The following VCL variants were observed in gnomAD, a reference collection of about 807,000 sequenced individuals.
VCL encodes vinculin, also known as epididymis luminal protein 114.
In VCL, 47 loss-of-function variants were observed where a neutral mutation model predicts 125.7. The observed-to-expected ratio is 0.37, with a 90% CI of 0.30 to 0.48. The LOEUF is 0.48. Among genes scored for constraint, VCL ranks in the 20% least tolerant of loss-of-function variants. The probability of loss-of-function intolerance (pLI) is 0.99; values close to 1 mark genes in which losing one functional copy is unlikely to be tolerated. For missense variants in VCL, 1,069 were observed against 1,455.5 expected (o/e 0.73, Z 4.32); for synonymous variants, 458 against 514.6 (o/e 0.89, Z 1.49).
chr10:74,117,401 T>A (rs1840327940), intron 21 of VCL, among the ~76,000 whole-genome samples: 1 of 152,202 alleles, frequency 6.6e-6, no homozygotes, highest in Admixed American at 6.5e-5. Flanking sequence ...CTGTATGTAG[T>A]CTTAGCACTT....
Position 74,074,761 on chromosome 10 carries a change from C to G in VCL, c.641C>G (p.Thr214Arg). 1 of 1,612,896 alleles carries G rather than the reference C, an allele frequency of 6.2e-7. No homozygotes were observed. Among genetic ancestry groups the G allele is most frequent in the Non-Finnish European group, 8.5e-7 (1 of 1,179,728 alleles). Reference protein sequence around the residue: ...VLISAMKIFVTTKNSKNQGIE... With the variant: ...VLISAMKIFVRTKNSKNQGIE... ...TTTACAGCTATGAAGATTTTTGTAA[C>G]AACTAAAAACTCAAAAAACCAAGGC... The change falls in exon 6 of 22, where the codon ACA becomes AGA. Residue 214 changes from threonine to arginine, a missense_variant. Thr to Arg is a moderately conservative substitution (Grantham distance 71, BLOSUM62 -1). Coordinates refer to ENST00000211998, the MANE Select transcript of VCL (RefSeq NM_014000.3).
chr10:74,043,168 T>C lies in VCL; in HGVS notation c.239+15T>C. The stretch of plus-strand genomic sequence containing the variant: ...GCATTTATTAAGTGAGTAATTGAAA[T>C]ATTCTTCTGTTGCTAAGCAGAATAA... On this transcript the variant is annotated intron_variant, in intron 2 of 21. Transcript: ENST00000211998. 1 of 1,605,646 alleles carries C rather than the reference T, an allele frequency of 6.2e-7. No individual in the cohort carries two copies. Among genetic ancestry groups the C allele is most frequent in the East Asian group, 2.2e-5 (1 of 44,688 alleles).
chr10:74,117,024 T>C (rs1173239227), intron 21 of VCL, among the ~76,000 whole-genome samples: 2 of 152,234 alleles, frequency 1.3e-5, no homozygotes, highest in African/African-American at 2.4e-5. Context: ...CTTCCTTGAC[T>C]TTCTATGGTA....
At chr10:73,999,964 G>C (rs577670194) in intron 1 of VCL, among the ~76,000 whole-genome samples, 1 of 152,292 alleles carries the variant, frequency 6.6e-6, no homozygotes, top group African/African-American at 2.4e-5. Flanking sequence ...AATGTAAAGA[G>C]ACAAGGTAAT....
At position 74,118,332 on chromosome 10, in the gene VCL, T is replaced by C; in HGVS notation, c.*163T>C. The C allele has an allele frequency of 1.2e-6, 1 of 819,290 alleles. No homozygotes were observed. The allele number at this position is 819,290 out of a possible 1,614,324, so 50.8% of individuals were successfully genotyped here. A position where few individuals can be genotyped will look rare whatever the true frequency, so the allele number is the denominator to read the frequency against. ...TCTTCAAATTAGAAGACATTTATACTCTTTTTTCATGGACACTTTGAAATG... is the reference window on the plus strand; with the variant it reads ...TCTTCAAATTAGAAGACATTTATACCCTTTTTTCATGGACACTTTGAAATG... On this transcript the variant is annotated 3_prime_UTR_variant, in exon 22 of 22. Transcript: ENST00000211998.
intron 21 of VCL, among the ~76,000 whole-genome samples, chr10:74,115,145 T>G (rs140989024): frequency 1.3e-5 from 2 of 151,904 alleles, no homozygotes; most frequent in African/African-American, 4.8e-5. Flanking sequence ...GGCGGGAGAA[T>G]TGCTTAAGCC....
At chr10:73,998,548 C>T (rs1273408053) in intron 1 of VCL, among the ~76,000 whole-genome samples, 173 bp downstream of exon 1, 1 of 152,224 alleles carries the variant, frequency 6.6e-6, no homozygotes, top group Non-Finnish European at 1.5e-5. Context: ...TTGAGCGAGT[C>T]CTGAGCCTCT....
At chr10:74,116,041 C>T (rs948826792) in intron 21 of VCL, among the ~76,000 whole-genome samples, 1 of 152,210 alleles carries the variant, frequency 6.6e-6, no homozygotes, top group African/African-American at 2.4e-5. Flanking sequence ...ACACGAGGCT[C>T]ATCACACATG....
At chr10:74,055,366 A>G (rs1247807569) in intron 2 of VCL, among the ~76,000 whole-genome samples, 1 of 152,024 alleles carries the variant, frequency 6.6e-6, no homozygotes, top group Non-Finnish European at 1.5e-5. Context: ...ATTTTTTGAG[A>G]CAGGATCTTG....
chr10:74,082,108 A>G (rs1839686118), intron 6 of VCL, among the ~76,000 whole-genome samples: 1 of 152,196 alleles, frequency 6.6e-6, no homozygotes, highest in Non-Finnish European at 1.5e-5. Flanking sequence ...AATGTTGACT[A>G]GTGGAAAGGC....
At chr10:74,008,069 G>T (rs1310362109) in intron 1 of VCL, among the ~76,000 whole-genome samples, 1 of 151,744 alleles carries the variant, frequency 6.6e-6, no homozygotes, top group African/African-American at 2.4e-5. Context: ...TTCCCAAAGT[G>T]CTGGGATTAT....
At chr10:74,061,038 T>G (rs7069013) in intron 2 of VCL, among the ~76,000 whole-genome samples, 150,292 of 152,218 alleles carry the variant, frequency 0.99, 74,225 homozygotes, top group Middle Eastern at 1. Flanking sequence ...TTGATTTAAA[T>G]TATCTAATTA....
intron 5 of VCL, 145 bp downstream of exon 5, chr10:74,072,997 G>C: frequency 8.1e-7 from 1 of 1,239,936 alleles, no homozygotes; most frequent in Non-Finnish European, 1.1e-6. Flanking sequence ...CTGGAGTGCA[G>C]TGGTGCGATC....
intron 1 of VCL, among the ~76,000 whole-genome samples, chr10:74,023,332 G>A (rs1840708099): frequency 6.6e-6 from 1 of 152,186 alleles, no homozygotes; most frequent in South Asian, 2.1e-4. Context: ...TAGGAGCAGT[G>A]GCTATGCCAT....
At chr10:74,022,987 C>T (rs1840701553) in intron 1 of VCL, among the ~76,000 whole-genome samples, 1 of 152,114 alleles carries the variant, frequency 6.6e-6, no homozygotes, top group African/African-American at 2.4e-5. Flanking sequence ...TATATATCTC[C>T]CACCTAAACT....
chr10:74,082,432 T>C (rs1440818596), intron 6 of VCL, 22 bp from the exon 7 acceptor site: 3 of 1,613,014 alleles, frequency 1.9e-6, no homozygotes, highest in African/African-American at 2.7e-5. Flanking sequence ...AAGAAAATAA[T>C]GGTGGGATTT....
At chr10:74,003,003 T>C (rs1840258270) in intron 1 of VCL, among the ~76,000 whole-genome samples, 2 of 151,528 alleles carry the variant, frequency 1.3e-5, no homozygotes, top group African/African-American at 4.8e-5. Context: ...TATATAAATA[T>C]ATATATAAAA....
chr10:74,068,700 T>G (rs556912888), intron 2 of VCL, among the ~76,000 whole-genome samples: 1 of 152,146 alleles, frequency 6.6e-6, no homozygotes, highest in Non-Finnish European at 1.5e-5. Flanking sequence ...TATGATCCTA[T>G]TTGTGTAAAA....
chr10:74,061,651 C>T (rs886406209), intron 2 of VCL, among the ~76,000 whole-genome samples: 2 of 152,126 alleles, frequency 1.3e-5, no homozygotes, highest in Non-Finnish European at 2.9e-5. Context: ...ACTTTAATTA[C>T]ACATATATTA....
Sources: allele counts gnomAD v4.1 joint callset (sites outside exome capture counted in the v4.1 genomes callset), GRCh38; gene constraint gnomAD v4.1.1; transcripts MANE v1.5; gene names NCBI Gene and HGNC (gene_info 2026-07-23, HGNC 2026-07-21).